The following MAP3K9 variants were observed in gnomAD, a reference collection of about 807,000 sequenced individuals.
MAP3K9 encodes mitogen-activated protein kinase kinase kinase 9, also known as mixed lineage kinase 1 (tyr and ser/thr specificity).
In MAP3K9, 46 loss-of-function variants were observed where a neutral mutation model predicts 95.8. The observed-to-expected ratio is 0.48, with a 90% CI of 0.38 to 0.61. The LOEUF (loss-of-function observed/expected upper bound fraction) is 0.61. Ranked by LOEUF, MAP3K9 falls within the 20% of genes least tolerant of loss-of-function variation. The pLI, the probability that MAP3K9 is intolerant of heterozygous loss-of-function variation, is 0.00. For missense variants in MAP3K9, 1,296 were observed against 1,474.3 expected, an observed-to-expected ratio of 0.88 and a Z score of 1.98; for synonymous variants, 533 against 593.8, an observed-to-expected ratio of 0.90 and a Z score of 1.49.
At chr14:70,751,021 T>C (rs912976199) in intron 3 of MAP3K9, among the ~76,000 whole-genome samples, 2 of 149,590 alleles carry the variant, frequency 1.3e-5, no homozygotes, top group Admixed American at 6.7e-5. Flanking sequence ...AATAGATTTC[T>C]GCCCCCAGAT....
chr14:70,763,615 C>T lies in MAP3K9; in HGVS notation c.821-2433G>A, dbSNP rs139084944. On this transcript the variant is annotated intron_variant, in intron 2 of 11. Transcript: ENST00000554752. The stretch of plus-strand genomic sequence containing the variant: ...GTGCAATCATAGCTTATTGCAGCCT[C>T]AATCTCCTGGGCTCAAGTGATTCTC... Among the ~76,000 whole-genome samples, 1,153 of 152,012 alleles carry T rather than the reference C, an allele frequency of 7.6e-3. 18 individuals carry two copies. Among genetic ancestry groups the T allele is most frequent in the African/African-American group, 0.026 (1,079 of 41,470 alleles).
chr14:70,735,965 A>T lies in MAP3K9; in HGVS notation c.1909T>A (p.Leu637Met). 1 of 1,611,524 alleles carries T rather than the reference A, an allele frequency of 6.2e-7. No individual in the cohort carries two copies. ...STPSESPHFH[L>M]GLKSLVDGYK... The stretch of plus-strand genomic sequence containing the variant: ...AAGGGTGAAGATGAGACTCACCCCA[A>T]GTGGAAATGTGGAGATTCTGATGGG... Residue 637 changes from leucine (L) to methionine (M), a missense_variant, in exon 9 of 12, where the codon TTG becomes ATG. Physicochemically the swap from Leu to Met is conservative, Grantham distance 15. This residue lies in a region of MAP3K9 where 377 missense variants were observed against 417.1 expected (regional missense o/e 0.90). Transcript: ENST00000554752.
At position 70,740,041 on chromosome 14, in the gene MAP3K9, C is replaced by T. The variant is rs1390756618; in HGVS notation, c.1690+1G>A. On this transcript the variant is annotated splice_donor_variant, in intron 7 of 11. Transcript: ENST00000554752. LOFTEE classifies it high-confidence loss of function. ...CCAGCTAATTTGGGAAACAGTCTCACACTGGATGGCTCGAAGGCGAGGAAT... is the reference window on the plus strand; with the variant it reads ...CCAGCTAATTTGGGAAACAGTCTCATACTGGATGGCTCGAAGGCGAGGAAT... 1.2e-6 allele frequency: 2 copies of T among 1,614,210 alleles called. No homozygotes were observed. The highest frequency in any genetic ancestry group is 2.2e-5 in the East Asian group (1 of 44,894).
At chr14:70,746,680 T>C (rs1214469788) in intron 5 of MAP3K9, among the ~76,000 whole-genome samples, 2 of 152,242 alleles carry the variant, frequency 1.3e-5, no homozygotes, top group Non-Finnish European at 2.9e-5. Context: ...CAGACAATTA[T>C]TATCTCATTA....
Position 70,802,260 on chromosome 14 carries a change from G to T in MAP3K9, c.407-1180C>A, listed in dbSNP as rs185212450. 3.5e-4 allele frequency among the ~76,000 whole-genome samples: 53 copies of T among 152,264 alleles called. 1 individual carries two copies. Among genetic ancestry groups the T allele is most frequent in the Middle Eastern group, 3.4e-3 (1 of 294 alleles). On this transcript the variant is annotated intron_variant, in intron 1 of 11. Coordinates refer to ENST00000554752, the MANE Select transcript of MAP3K9 (RefSeq NM_001284230.2). ...CAGAACTTGGTTCTACCTGGACCTGGAGACTGAAACATGGGAAAGGAGCCT... is the reference window on the plus strand; with the variant it reads ...CAGAACTTGGTTCTACCTGGACCTGTAGACTGAAACATGGGAAAGGAGCCT...
intron 2 of MAP3K9, among the ~76,000 whole-genome samples, chr14:70,776,093 G>A (rs539991100): frequency 9.2e-5 from 14 of 152,322 alleles, no homozygotes; most frequent in African/African-American, 3.1e-4. Context: ...GGAGGCTGAG[G>A]CAGGAGAATC....
chr14:70,795,187 G>C (rs560806921), intron 2 of MAP3K9, among the ~76,000 whole-genome samples: 1 of 151,470 alleles, frequency 6.6e-6, no homozygotes, highest in Admixed American at 6.6e-5. Context: ...TAGTAGAGAT[G>C]GGGTTTCACT....
chr14:70,732,870 C>T lies in MAP3K9; in HGVS notation c.2499G>A (p.Thr833=), dbSNP rs572178360. The T allele has an allele frequency of 1.7e-5, 27 of 1,613,626 alleles. No homozygotes were observed. The highest frequency in any genetic ancestry group is 1.6e-4 in the Middle Eastern group (1 of 6,084). Residue 833 remains threonine (T), a synonymous_variant, in exon 11 of 12, where the codon ACG becomes ACA. Coordinates refer to ENST00000554752, the MANE Select transcript of MAP3K9 (RefSeq NM_001284230.2). ...CGGAGATGGAGGAGAGGGAGAGCAG[C>T]GTCAGGGAGGCAGAGGGGTCTCCTA... The part of the protein sequence containing the change: ...LLLGDPSASL[T]LLSLSSISEC...
intron 1 of MAP3K9, among the ~76,000 whole-genome samples, chr14:70,808,053 C>T (rs1389269665): frequency 3.9e-5 from 6 of 152,222 alleles, no homozygotes; most frequent in Admixed American, 2.6e-4. Context: ...CTGTACCTTG[C>T]AATCCTGATC....
At chr14:70,770,200 T>A (rs1224994873) in intron 2 of MAP3K9, among the ~76,000 whole-genome samples, 1 of 152,102 alleles carries the variant, frequency 6.6e-6, no homozygotes, top group Non-Finnish European at 1.5e-5. Context: ...TGTTTGTTTG[T>A]TTTTGAGTCT....
At chr14:70,799,583 C>T (rs1366122714) in intron 2 of MAP3K9, among the ~76,000 whole-genome samples, 2 of 151,944 alleles carry the variant, frequency 1.3e-5, no homozygotes, top group African/African-American at 2.4e-5. Flanking sequence ...TCATGATCTG[C>T]CCGCCTTGGC....
chr14:70,764,853 CA>C (rs905343771), intron 2 of MAP3K9, among the ~76,000 whole-genome samples: 2 of 145,744 alleles, frequency 1.4e-5, no homozygotes, highest in Non-Finnish European at 1.5e-5. Context: ...AAACAAACAA[CA>C]AAAAAAAAGT....
chr14:70,808,728 T>G, intron 1 of MAP3K9, 38 bp downstream of exon 1: 5 of 1,018,022 alleles, frequency 4.9e-6, no homozygotes, highest in South Asian at 2.1e-5. Context: ...CAGGCCTCCG[T>G]CATTCCCCCT....
intron 2 of MAP3K9, among the ~76,000 whole-genome samples, chr14:70,799,391 G>C (rs1242793811): frequency 6.6e-6 from 1 of 152,164 alleles, no homozygotes; most frequent in African/African-American, 2.4e-5. Context: ...CCAGGCTGGA[G>C]TGCAGAGGCA....
chr14:70,749,136 G>A, intron 4 of MAP3K9, 132 bp from the exon 5 acceptor site: 1 of 831,194 alleles, frequency 1.2e-6, no homozygotes, highest in Non-Finnish European at 1.9e-6. Flanking sequence ...TCAGAATTTA[G>A]GTAACCTCAA....
intron 2 of MAP3K9, chr14:70,765,548 T>C (rs2054438684): frequency 6.5e-6 from 4 of 613,904 alleles, no homozygotes. Context: ...TTTCTACGTA[T>C]AGATACATTT....
intron 2 of MAP3K9, among the ~76,000 whole-genome samples, chr14:70,767,316 G>A (rs759074803): frequency 1.3e-5 from 2 of 151,080 alleles, no homozygotes; most frequent in African/African-American, 4.9e-5. Flanking sequence ...CCCATGAGGC[G>A]GAGGTTGAAG....
chr14:70,765,394 G>C (rs1330091260), intron 2 of MAP3K9: 2 of 639,938 alleles, frequency 3.1e-6, no homozygotes, highest in Non-Finnish European at 5.7e-6. Flanking sequence ...GTCTATGGTG[G>C]TATACAGTAA....
intron 6 of MAP3K9, among the ~76,000 whole-genome samples, chr14:70,741,293 T>G (rs1409555866): frequency 1.3e-5 from 2 of 152,164 alleles, no homozygotes; most frequent in African/African-American, 4.8e-5. Context: ...TATCTGCATG[T>G]TGGTCAGGCT....
Sources: gnomAD v4.1 joint callset for allele counts (sites outside exome capture counted in the v4.1 genomes callset) on GRCh38, gnomAD v4.1.1 for gene constraint, gnomAD v4.1.1 regional missense constraint, MANE v1.5 for transcripts, NCBI Gene and HGNC (gene_info 2026-07-23, HGNC 2026-07-21) for gene names.